Variants in KCNMA1 observed in about 807,000 individuals in gnomAD.
KCNMA1 encodes the protein potassium calcium-activated channel subfamily M alpha 1.
A neutral mutation model predicts 140.0 loss-of-function variants in KCNMA1; 29 were observed. That is an observed-to-expected ratio of 0.21 (90% CI 0.15 to 0.28). The LOEUF is 0.28. Ranked by LOEUF, KCNMA1 falls within the 10% of genes least tolerant of loss-of-function variation. The probability of loss-of-function intolerance (pLI) is 1.00; values close to 1 mark genes in which losing one functional copy is unlikely to be tolerated. For synonymous variants in KCNMA1, 612 were observed against 611.9 expected (o/e 1.00, Z 0.00); for missense variants, 880 against 1,602.2 (o/e 0.55, Z 7.70).
chr10:77,556,499 T>C (rs941126951), intron 1 of KCNMA1, among the ~76,000 whole-genome samples: 1 of 61,666 alleles, frequency 1.6e-5, no homozygotes, highest in East Asian at 6.1e-4. Flanking sequence ...AGTGGGACTA[T>C]CTCAAAAAAA....
chr10:77,540,410 G>A (rs771058938), intron 1 of KCNMA1, among the ~76,000 whole-genome samples: 1 of 152,182 alleles, frequency 6.6e-6, no homozygotes, highest in Non-Finnish European at 1.5e-5. Flanking sequence ...ACTCCTTTGG[G>A]AAAAACTGGC....
Position 76,889,513 on chromosome 10 carries a change from A to T in KCNMA1, c.3399T>A (p.Leu1133=). The T allele has an allele frequency of 1.2e-6, 2 of 1,614,144 alleles. No homozygotes were observed. Among genetic ancestry groups the T allele is most frequent in the Non-Finnish European group, 1.7e-6 (2 of 1,180,006 alleles). Residue 1133 remains leucine, a synonymous_variant, in exon 27 of 28, where the codon CTT becomes CTA. Coordinates refer to ENST00000286628, the MANE Select transcript of KCNMA1 (RefSeq NM_001161352.2). ...CTCTCAGCCGGTAAATTCCAAAACA[A>T]AGCATATTATATGTTTTCAGAGCTT... is the stretch of plus-strand genomic sequence containing the variant. ...FCKALKTYNM[L]CFGIYRLRDA...
intron 20 of KCNMA1, among the ~76,000 whole-genome samples, chr10:76,964,479 T>G (rs1171513643): frequency 6.6e-6 from 1 of 152,104 alleles, no homozygotes; most frequent in Non-Finnish European, 1.5e-5. Context: ...CAGGGACCTG[T>G]GTGGTCCACC....
At chr10:77,038,247 G>A (rs1046171226) in intron 15 of KCNMA1, among the ~76,000 whole-genome samples, 18 of 152,244 alleles carry the variant, frequency 1.2e-4, no homozygotes, top group African/African-American at 4.1e-4. Flanking sequence ...ATACAGAGGA[G>A]GCCAAGGGCA....
intron 14 of KCNMA1, among the ~76,000 whole-genome samples, chr10:77,053,891 T>C (rs76206325): frequency 0.019 from 2,904 of 152,106 alleles, 80 homozygotes; most frequent in African/African-American, 0.06. Context: ...AGCAGGTAAA[T>C]AGGGAGCTAA....
chr10:76,948,861 C>T, intron 22 of KCNMA1: 1 of 503,598 alleles, frequency 2.0e-6, no homozygotes, highest in Non-Finnish European at 3.6e-6. Flanking sequence ...TTTGTATAGG[C>T]AGGAGTGAGA....
chr10:77,306,596 TGAA>T (rs1180116879), intron 2 of KCNMA1, among the ~76,000 whole-genome samples: 2 of 152,152 alleles, frequency 1.3e-5, no homozygotes, highest in African/African-American at 4.8e-5. Context: ...TAGAAATAAA[TGAA>T]GAGTTTTAAG....
At chr10:77,113,227 C>A (rs1413355307) in intron 6 of KCNMA1, among the ~76,000 whole-genome samples, 1 of 152,178 alleles carries the variant, frequency 6.6e-6, no homozygotes, top group Non-Finnish European at 1.5e-5. Context: ...GTCACTGTGG[C>A]TTCAGAGCAG....
chr10:77,584,714 A>G (rs764979936), intron 1 of KCNMA1, among the ~76,000 whole-genome samples: 10 of 152,208 alleles, frequency 6.6e-5, no homozygotes, highest in Non-Finnish European at 1.5e-4. Flanking sequence ...CCCATACGCC[A>G]TTCAGTCTCT....
chr10:77,058,123 A>G (rs909471894), intron 14 of KCNMA1, among the ~76,000 whole-genome samples: 1 of 152,094 alleles, frequency 6.6e-6, no homozygotes, highest in Non-Finnish European at 1.5e-5. Flanking sequence ...TTGAGTGGCT[A>G]TATTAATATC....
intron 1 of KCNMA1, among the ~76,000 whole-genome samples, chr10:77,490,552 A>T (rs2098519990): frequency 6.6e-6 from 1 of 152,246 alleles, no homozygotes; most frequent in African/African-American, 2.4e-5. Flanking sequence ...CTAACGATAG[A>T]GTGTGTAGAG....
intron 5 of KCNMA1, among the ~76,000 whole-genome samples, chr10:77,161,424 T>C (rs2098553314): frequency 6.6e-6 from 1 of 152,058 alleles, no homozygotes; most frequent in Admixed American, 6.6e-5. Flanking sequence ...CTTTTTTTTT[T>C]TGTAGGGATG....
At chr10:77,594,625 A>G (rs950061430) in intron 1 of KCNMA1, among the ~76,000 whole-genome samples, 1 of 152,154 alleles carries the variant, frequency 6.6e-6, no homozygotes, top group African/African-American at 2.4e-5. Context: ...ATGGAGTGAG[A>G]TCACACTTGA....
intron 16 of KCNMA1, chr10:77,021,151 A>T (rs1189522988): frequency 6.6e-6 from 1 of 152,204 alleles, no homozygotes; most frequent in Non-Finnish European, 1.5e-5. Flanking sequence ...TTATAGGGTA[A>T]AGAACTGTAC....
At chr10:77,110,372 A>G (rs761652049) in intron 7 of KCNMA1, 29 bp from the exon 8 acceptor site, 3 of 1,593,012 alleles carry the variant, frequency 1.9e-6, no homozygotes, top group African/African-American at 2.7e-5. Flanking sequence ...GGGAGAAAAA[A>G]GAAAAACATG....
At chr10:77,611,118 G>A (rs1300352551) in intron 1 of KCNMA1, among the ~76,000 whole-genome samples, 1 of 152,210 alleles carries the variant, frequency 6.6e-6, no homozygotes, top group Non-Finnish European at 1.5e-5. Context: ...AGGGGACTTT[G>A]GCTAACTCCT....
chr10:77,135,532 G>C (rs901660732), intron 5 of KCNMA1, among the ~76,000 whole-genome samples: 1 of 152,188 alleles, frequency 6.6e-6, no homozygotes, highest in Non-Finnish European at 1.5e-5. Flanking sequence ...GTGCTGAAGA[G>C]ATGTCTGCAC....
rs1020785775 is a variant in KCNMA1 at position 77,086,767 on chromosome 10, G to A, written c.1335-174C>T. On this transcript the variant is annotated intron_variant, in intron 10 of 27. Transcript: ENST00000286628. The stretch of plus-strand genomic sequence containing the variant: ...CACACTCAAGAGAAGTAAAACCCCA[G>A]CCCAACTGAAAACCAAACCAGTACC... Among the ~76,000 whole-genome samples the A allele has an allele frequency of 3.7e-4, 56 of 152,140 alleles. 1 individual carries two copies. Among genetic ancestry groups the A allele is most frequent in the Admixed American group, 3.5e-3 (54 of 15,282 alleles).
At chr10:77,496,496 C>T (rs1345089224) in intron 1 of KCNMA1, among the ~76,000 whole-genome samples, 1 of 147,484 alleles carries the variant, frequency 6.8e-6, no homozygotes, top group Admixed American at 7.0e-5. Context: ...ACTTGGGAGA[C>T]TGAGGCAGGA....
Sources: allele counts gnomAD v4.1 joint callset (sites outside exome capture counted in the v4.1 genomes callset), GRCh38; gene constraint gnomAD v4.1.1; transcripts MANE v1.5; gene names NCBI Gene and HGNC (gene_info 2026-07-23, HGNC 2026-07-21).